The following SGCZ variants were observed in gnomAD, a reference collection of about 807,000 sequenced individuals.
SGCZ encodes sarcoglycan zeta.
SGCZ carries 40 observed loss-of-function variants against 41.3 expected under a neutral mutation model. That is an observed-to-expected ratio of 0.97 (90% CI 0.75 to 1.26). The LOEUF (loss-of-function observed/expected upper bound fraction) is 1.26, where lower values mean the gene tolerates loss of function less well. Among genes scored for constraint, SGCZ ranks in the 50% most tolerant of loss-of-function variants. The pLI is 0.00. For missense variants in SGCZ, 552 were observed against 369.8 expected (o/e 1.49, Z -4.04); for synonymous variants, 206 against 137.5 (o/e 1.50, Z -3.49).
At chr8:15,226,629 A>C (rs1801783897) in intron 1 of SGCZ, among the ~76,000 whole-genome samples, 2 of 152,150 alleles carry the variant, frequency 1.3e-5, no homozygotes, top group African/African-American at 4.8e-5. Flanking sequence ...TTCCCAACTT[A>C]TTCTAAAATG....
intron 2 of SGCZ, among the ~76,000 whole-genome samples, chr8:14,357,544 G>C (rs187391628): frequency 6.6e-6 from 1 of 152,246 alleles, no homozygotes; most frequent in Non-Finnish European, 1.5e-5. Context: ...AGATCAGGAA[G>C]TAACAAAATA....
At chr8:14,828,107 G>A (rs1802399996) in intron 1 of SGCZ, among the ~76,000 whole-genome samples, 1 of 152,176 alleles carries the variant, frequency 6.6e-6, no homozygotes, top group Non-Finnish European at 1.5e-5. Flanking sequence ...TGCTGAAATT[G>A]CAGCAAGAAC....
At chr8:15,180,592 A>G (rs549810741) in intron 1 of SGCZ, among the ~76,000 whole-genome samples, 2 of 152,246 alleles carry the variant, frequency 1.3e-5, no homozygotes, top group African/African-American at 2.4e-5. Flanking sequence ...TAAAAAAAAA[A>G]ACAGAGGGAA....
chr8:14,914,869 G>A (rs1428922461), intron 1 of SGCZ, among the ~76,000 whole-genome samples: 2 of 152,132 alleles, frequency 1.3e-5, no homozygotes, highest in Admixed American at 1.3e-4. Flanking sequence ...ATGTAGAAGA[G>A]TTTGCTCCTT....
intron 1 of SGCZ, among the ~76,000 whole-genome samples, chr8:14,967,251 G>A (rs769983105): frequency 3.3e-5 from 5 of 152,108 alleles, no homozygotes; most frequent in African/African-American, 9.7e-5. Context: ...TCTGAGACCT[G>A]GAAAGTCTAA....
intron 2 of SGCZ, among the ~76,000 whole-genome samples, chr8:14,380,019 A>T (rs369849765): frequency 5.1e-4 from 77 of 152,304 alleles, no homozygotes; most frequent in African/African-American, 1.8e-3. Flanking sequence ...GGTGTGAGCC[A>T]TGGCACCCGG....
intron 4 of SGCZ, among the ~76,000 whole-genome samples, chr8:14,207,756 C>A (rs1190982256): frequency 6.6e-6 from 1 of 152,168 alleles, no homozygotes; most frequent in East Asian, 1.9e-4. Flanking sequence ...TTCATTCTAC[C>A]CTTCTACTAC....
At chr8:14,922,464 T>C (rs1401868015) in intron 1 of SGCZ, among the ~76,000 whole-genome samples, 1 of 152,184 alleles carries the variant, frequency 6.6e-6, no homozygotes, top group African/African-American at 2.4e-5. Flanking sequence ...TATTTATTGT[T>C]ATTTTTTGAG....
chr8:14,605,420 C>A (rs909326164), intron 1 of SGCZ, among the ~76,000 whole-genome samples: 1 of 152,086 alleles, frequency 6.6e-6, no homozygotes, highest in Non-Finnish European at 1.5e-5. Context: ...TCGAATTACA[C>A]TCTTTTAGTT....
chr8:14,852,265 C>A (rs1803356812), intron 1 of SGCZ, among the ~76,000 whole-genome samples: 1 of 152,018 alleles, frequency 6.6e-6, no homozygotes. Context: ...ATGTTCAAGT[C>A]CAAGAACCAT....
intron 1 of SGCZ, among the ~76,000 whole-genome samples, chr8:14,850,859 C>G (rs1221477250): frequency 6.6e-6 from 1 of 152,144 alleles, no homozygotes; most frequent in Non-Finnish European, 1.5e-5. Context: ...CTGCCACCTT[C>G]TGAAGAAGAT....
At chr8:14,564,280 G>T (rs1457503396) in intron 1 of SGCZ, among the ~76,000 whole-genome samples, 1 of 151,520 alleles carries the variant, frequency 6.6e-6, no homozygotes, top group East Asian at 2.0e-4. Context: ...AGGAGAAGTG[G>T]TAAATCATGT....
rs765307054 is a variant in SGCZ, at chr8:14,800,377, C to G, written c.40-245451G>C. Among the ~76,000 whole-genome samples, 31 of 152,230 alleles carry G rather than the reference C, an allele frequency of 2.0e-4. No individual in the cohort carries two copies. In the Middle Eastern group the frequency reaches 0.01, roughly 50 times the overall value. ...AAGAGGAATAGGGAAGGGGTTAATC[C>G]TGGCCCATAAGTTTATGTAAGGTGC... On this transcript the variant is annotated intron_variant, in intron 1 of 7. Transcript: ENST00000382080.
At chr8:14,511,162 T>C (rs28558178) in intron 2 of SGCZ, among the ~76,000 whole-genome samples, 8,705 of 151,938 alleles carry the variant, frequency 0.057, 335 homozygotes, top group African/African-American at 0.11. Context: ...GAGAAATGTA[T>C]GCCATGGGCT....
At chr8:15,025,188 T>A (rs540323689) in intron 1 of SGCZ, among the ~76,000 whole-genome samples, 1 of 152,142 alleles carries the variant, frequency 6.6e-6, no homozygotes, top group Admixed American at 6.5e-5. Context: ...CCAAGAACAG[T>A]ATAAGCATTT....
intron 2 of SGCZ, among the ~76,000 whole-genome samples, chr8:14,446,003 G>A (rs1438318830): frequency 1.3e-5 from 2 of 152,140 alleles, no homozygotes; most frequent in African/African-American, 4.8e-5. Flanking sequence ...TCCTGCAAGG[G>A]GTTGAGTGAA....
intron 3 of SGCZ, chr8:14,309,408 G>A: frequency 1.2e-6 from 2 of 1,606,464 alleles, no homozygotes; most frequent in Non-Finnish European, 1.7e-6. Context: ...GATCGCTTTT[G>A]GCTAGAGACA....
chr8:14,807,375 A>G (rs1213146639), intron 1 of SGCZ, among the ~76,000 whole-genome samples: 2 of 152,178 alleles, frequency 1.3e-5, no homozygotes, highest in Non-Finnish European at 2.9e-5. Context: ...AAGCAACTTC[A>G]GCAAAGTCTC....
chr8:14,457,033 C>G (rs114656880), intron 2 of SGCZ, among the ~76,000 whole-genome samples: 6,215 of 151,966 alleles, frequency 0.041, 399 homozygotes, highest in African/African-American at 0.14. Context: ...ACCCAGGCAC[C>G]GAGGCAAGAG....
Sources: gnomAD v4.1 joint callset for allele counts (sites outside exome capture counted in the v4.1 genomes callset) on GRCh38, gnomAD v4.1.1 for gene constraint, MANE v1.5 for transcripts, NCBI Gene and HGNC (gene_info 2026-07-23, HGNC 2026-07-21) for gene names.